The following VCPIP1 variants were observed in gnomAD, a reference collection of about 807,000 sequenced individuals.
VCPIP1 encodes valosin containing protein interacting protein 1.
A neutral mutation model predicts 85.0 loss-of-function variants in VCPIP1; 8 were observed. The observed-to-expected ratio is 0.09, with a 90% CI of 0.06 to 0.17. The LOEUF (loss-of-function observed/expected upper bound fraction) is 0.17. Among genes scored for constraint, VCPIP1 ranks in the 10% least tolerant of loss-of-function variants. The pLI, the probability that VCPIP1 is intolerant of heterozygous loss-of-function variation, is 1.00. For missense variants in VCPIP1, 1,070 were observed against 1,486.3 expected, an observed-to-expected ratio of 0.72 and a Z score of 4.61; for synonymous variants, 543 against 544.5, an observed-to-expected ratio of 1.00 and a Z score of 0.04.
At chr8:66,646,056 C>T (rs531982199) in intron 2 of VCPIP1, among the ~76,000 whole-genome samples, 2 of 151,778 alleles carry the variant, frequency 1.3e-5, no homozygotes, top group Admixed American at 1.3e-4. Context: ...GCCAGATAAA[C>T]TCAAAGTCAA....
At chr8:66,639,135 C>T (rs910190695) in intron 2 of VCPIP1, among the ~76,000 whole-genome samples, 6 of 150,974 alleles carry the variant, frequency 4.0e-5, no homozygotes, top group Admixed American at 3.3e-4. Context: ...CGGGCACATG[C>T]CACCACACCT....
chr8:66,634,672 ACCACCAGTT>A lies in VCPIP1; in HGVS notation c.3489_3497del (p.Leu1163_Gly1166delinsPhe). 6.2e-7 allele frequency: 1 copy of A among 1,613,314 alleles called. No individual in the cohort carries two copies. The stretch of plus-strand genomic sequence containing the variant: ...TTGTTTCTGTATTCAAATTTTCAGT[ACCACCAGTT>A]AAAGGAAAAGATTCAGGCAAACCAG... On this transcript the variant is annotated inframe_deletion, in exon 3 of 3. Transcript: ENST00000310421.
At chr8:66,636,033 C>T (rs530054758) in intron 2 of VCPIP1, among the ~76,000 whole-genome samples, 44 of 151,384 alleles carry the variant, frequency 2.9e-4, no homozygotes, top group African/African-American at 9.7e-4. Context: ...TCAAGACCAG[C>T]CTGGCCAAAA....
intron 2 of VCPIP1, among the ~76,000 whole-genome samples, chr8:66,639,723 G>T (rs1190899680): frequency 2.0e-5 from 3 of 152,126 alleles, no homozygotes; most frequent in Non-Finnish European, 4.4e-5. Context: ...TTCAAATGTA[G>T]ATGTAACCAT....
chr8:66,664,173 C>A, intron 1 of VCPIP1, 76 bp downstream of exon 1: 1 of 1,413,440 alleles, frequency 7.1e-7, no homozygotes, highest in Non-Finnish European at 9.3e-7. Context: ...GATTTCTTTT[C>A]CCCCAAAGAT....
At position 66,631,027 on chromosome 8, in the gene VCPIP1, T is replaced by G. The variant is rs3824258; in HGVS notation, c.*3474A>C. The G allele has an allele frequency of 0.032, 4,857 of 152,254 alleles. 109 individuals are homozygous for G. Among genetic ancestry groups the G allele is most frequent in the South Asian group, 0.051 (246 of 4,826 alleles). The allele number at this position is 152,254 out of a possible 1,614,324, so 9.4% of individuals were successfully genotyped here. The stretch of plus-strand genomic sequence containing the variant: ...GAATGGTAGGATGCATTTACTCAAC[T>G]TAGAATATGGCGCTATTATTATTAT... On this transcript the variant is annotated 3_prime_UTR_variant, in exon 3 of 3. Coordinates refer to ENST00000310421, the MANE Select transcript of VCPIP1 (RefSeq NM_025054.5).
intron 2 of VCPIP1, among the ~76,000 whole-genome samples, chr8:66,648,393 G>C (rs1053964050): frequency 6.6e-6 from 1 of 152,132 alleles, no homozygotes; most frequent in Non-Finnish European, 1.5e-5. Context: ...AAAACTGTCT[G>C]TCTGTCTATC....
Position 66,634,938 on chromosome 8 carries a change from T to C in VCPIP1, c.3232A>G (p.Asn1078Asp). ...GGAGCTATTCGAATAAGCTCACTAT[T>C]ACTAGAAGAAGCTGTGAATACAGAA... ...EPSVFTASSS[N>D]SELIRIAPGV... The change falls in exon 3 of 3, where the codon AAT (asparagine) becomes GAT (aspartate). Residue 1078 changes from asparagine (N) to aspartate (D), a missense_variant. By Grantham distance (23) the Asn-to-Asp change is conservative. Transcript: ENST00000310421. 6.2e-7 allele frequency: 1 copy of C among 1,613,676 alleles called. No homozygotes were observed. The highest frequency in any genetic ancestry group is 1.7e-5 in the Admixed American group (1 of 59,972).
rs1036988816 is a variant in VCPIP1 at position 66,630,391 on chromosome 8, T to G, written c.*4110A>C. On this transcript the variant is annotated 3_prime_UTR_variant, in exon 3 of 3. Transcript: ENST00000310421. The stretch of plus-strand genomic sequence containing the variant: ...TCCAAAAAGTAGACTTTCCAGTTCT[T>G]GGCACTAATTCTTAGTCAAATAAGC... The G allele has an allele frequency of 2.6e-5, 4 of 152,652 alleles. No homozygotes were observed. Among genetic ancestry groups the G allele is most frequent in the Non-Finnish European group, 5.9e-5 (4 of 68,036 alleles). The allele number at this position is 152,652 out of a possible 1,614,324, so 9.5% of individuals were successfully genotyped here. A position where few individuals can be genotyped will look rare whatever the true frequency, so the allele number is the denominator to read the frequency against.
intron 1 of VCPIP1, among the ~76,000 whole-genome samples, chr8:66,656,910 C>A (rs1811105932): frequency 6.6e-6 from 1 of 150,880 alleles, no homozygotes; most frequent in African/African-American, 2.4e-5. Flanking sequence ...CTGCACCCAG[C>A]CTATTTAATT....
intron 2 of VCPIP1, among the ~76,000 whole-genome samples, chr8:66,638,960 C>CTA (rs1307118372): frequency 7.4e-5 from 10 of 134,626 alleles, no homozygotes; most frequent in African/African-American, 3.0e-4. Context: ...CTCTCTCTCT[C>CTA]TCTCTCTCTC....
At chr8:66,654,129 T>C (rs1051284017) in intron 1 of VCPIP1, among the ~76,000 whole-genome samples, 2 of 152,250 alleles carry the variant, frequency 1.3e-5, no homozygotes, top group African/African-American at 4.8e-5. Flanking sequence ...AGCCAGGATT[T>C]GAATCCTGTG....
intron 2 of VCPIP1, among the ~76,000 whole-genome samples, chr8:66,646,678 C>A (rs139678054): frequency 0.01 from 1,525 of 152,134 alleles, 22 homozygotes; most frequent in Middle Eastern, 0.027. Flanking sequence ...CGCCTGTAAT[C>A]CCAGCTACTC....
chr8:66,653,735 A>G (rs549866936), intron 1 of VCPIP1, among the ~76,000 whole-genome samples: 3 of 152,286 alleles, frequency 2.0e-5, no homozygotes, highest in East Asian at 3.9e-4. Flanking sequence ...GTGTTTGTCA[A>G]CCTTGTTTTC....
At position 66,666,718 on chromosome 8, in the gene VCPIP1, G is replaced by C; in HGVS notation, c.241C>G (p.Gln81Glu). 2.5e-6 allele frequency: 4 copies of C among 1,614,136 alleles called. No homozygotes were observed. The highest frequency in any genetic ancestry group is 1.7e-5 in the Admixed American group (1 of 60,014). Residue 81 changes from glutamine (Q) to glutamate (E), a missense_variant, in exon 1 of 3, where the codon CAG (glutamine) becomes GAG (glutamate). Coordinates refer to ENST00000310421, the MANE Select transcript of VCPIP1 (RefSeq NM_025054.5). The surrounding 1 kb of genome is among the most constrained non-coding windows in gnomAD (Gnocchi z 6.3). ...TECGQRHEQQQLLGVEEVTDP... is the reference protein window; with the variant it reads ...TECGQRHEQQELLGVEEVTDP... ...GTCACCTCCTCAACCCCCAGCAGCTGTTGCTGCTCGTGCCGCTGGCCGCAC... is the reference window on the plus strand; with the variant it reads ...GTCACCTCCTCAACCCCCAGCAGCTCTTGCTGCTCGTGCCGCTGGCCGCAC...
At chr8:66,639,141 C>T (rs1810922256) in intron 2 of VCPIP1, among the ~76,000 whole-genome samples, 1 of 151,208 alleles carries the variant, frequency 6.6e-6, no homozygotes, top group South Asian at 2.1e-4. Flanking sequence ...CATGCCACCA[C>T]ACCTGGCCAA....
intron 1 of VCPIP1, among the ~76,000 whole-genome samples, chr8:66,654,115 GGA>G (rs1231608099): frequency 1.3e-5 from 2 of 152,196 alleles, no homozygotes; most frequent in Admixed American, 1.3e-4. Flanking sequence ...CTAGTAAGTG[GGA>G]GAGCCAGGAT....
At chr8:66,650,777 C>G (rs894541292) in intron 2 of VCPIP1, among the ~76,000 whole-genome samples, 15 of 136,924 alleles carry the variant, frequency 1.1e-4, no homozygotes, top group African/African-American at 4.1e-4. Flanking sequence ...TGGTGAATTG[C>G]TTGAACCCAG....
In VCPIP1 at chr8:66,667,094, T is replaced by C; in HGVS notation, c.-136A>G. On this transcript the variant is annotated 5_prime_UTR_variant, in exon 1 of 3. Transcript: ENST00000310421. ...TCCTTTCCCTACCAGCTCTTCCTCC[T>C]CCTAAGCGAAGGCGGAAGCGCCGGA... 7.2e-7 allele frequency: 1 copy of C among 1,394,272 alleles called. No homozygotes were observed. Among genetic ancestry groups the C allele is most frequent in the African/African-American group, 1.4e-5 (1 of 69,108 alleles). The allele number at this position is 1,394,272 out of a possible 1,614,324, so 86.4% of individuals were successfully genotyped here.
Sources: allele counts gnomAD v4.1 joint callset (sites outside exome capture counted in the v4.1 genomes callset), GRCh38; gene constraint gnomAD v4.1.1; non-coding constraint Gnocchi (gnomAD v3.1); transcripts MANE v1.5; gene names NCBI Gene and HGNC (gene_info 2026-07-23, HGNC 2026-07-21).